The following RSF1 variants were observed in gnomAD, a reference collection of about 807,000 sequenced individuals.
RSF1 encodes remodeling and spacing factor 1.
Under a neutral mutation model 145.2 loss-of-function variants are expected in RSF1, and 13 were observed. The ratio of observed to expected loss-of-function variants is 0.09; its 90% CI spans 0.06 to 0.14. The LOEUF is 0.14. Among genes scored for constraint, RSF1 ranks in the 10% least tolerant of loss-of-function variants. The pLI, the probability that RSF1 is intolerant of heterozygous loss-of-function variation, is 1.00. For synonymous variants in RSF1, 577 were observed against 592.6 expected (o/e 0.97, Z 0.38); for missense variants, 1,517 against 1,718.2 (o/e 0.88, Z 2.07).
At chr11:77,693,386 A>T in intron 8 of RSF1, 121 bp downstream of exon 8, 1 of 557,150 alleles carries the variant, frequency 1.8e-6, no homozygotes, top group Non-Finnish European at 3.2e-6. Context: ...AAATCTAAAC[A>T]GAGGTAAATA....
intron 7 of RSF1, among the ~76,000 whole-genome samples, chr11:77,697,285 A>G (rs770703870): frequency 6.6e-6 from 1 of 151,792 alleles, no homozygotes; most frequent in Non-Finnish European, 1.5e-5. Flanking sequence ...ACACAATTCT[A>G]CTCAGGTAGA....
At chr11:77,799,575 A>C (rs1424672385) in intron 1 of RSF1, among the ~76,000 whole-genome samples, 1 of 152,038 alleles carries the variant, frequency 6.6e-6, no homozygotes, top group Non-Finnish European at 1.5e-5. Flanking sequence ...CATAATTACA[A>C]AATATTTCCA....
At chr11:77,737,194 T>A (rs187706747) in intron 4 of RSF1, among the ~76,000 whole-genome samples, 7 of 152,286 alleles carry the variant, frequency 4.6e-5, no homozygotes, top group African/African-American at 1.7e-4. Context: ...ACACCTGTAA[T>A]CCCAGCACTT....
At chr11:77,710,960 C>A (rs1325753440) in intron 5 of RSF1, among the ~76,000 whole-genome samples, 2 of 151,928 alleles carry the variant, frequency 1.3e-5, no homozygotes, top group Non-Finnish European at 2.9e-5. Flanking sequence ...GAACTGAAAT[C>A]AACCATTTTT....
At chr11:77,668,930 T>C (rs1056289391) in intron 15 of RSF1, among the ~76,000 whole-genome samples, 1 of 152,188 alleles carries the variant, frequency 6.6e-6, no homozygotes, top group Non-Finnish European at 1.5e-5. Context: ...TCATTTATTT[T>C]AGGCAACCAC....
At chr11:77,813,782 G>A (rs1026990663) in intron 1 of RSF1, 3 of 262,160 alleles carry the variant, frequency 1.1e-5, no homozygotes, top group Admixed American at 4.4e-5. Context: ...CTACCACCGC[G>A]ACTTCCTCAA....
the RSF1 span, among the ~76,000 whole-genome samples, chr11:77,827,208 C>T: frequency 6.6e-6 from 1 of 152,086 alleles, no homozygotes; most frequent in African/African-American, 2.4e-5. Context: ...GTCAGTTCTA[C>T]CAAAAGTTGA....
chr11:77,753,925 C>T (rs1229256648), intron 2 of RSF1, among the ~76,000 whole-genome samples: 1 of 152,152 alleles, frequency 6.6e-6, no homozygotes, highest in African/African-American at 2.4e-5. Flanking sequence ...TTCTCTTGCA[C>T]CCCCAACCAA....
intron 1 of RSF1, among the ~76,000 whole-genome samples, chr11:77,817,462 A>G (rs1948792429): frequency 6.6e-6 from 1 of 152,206 alleles, no homozygotes; most frequent in African/African-American, 2.4e-5. Context: ...ACCATGAAGT[A>G]TGTCAAGGCA....
At chr11:77,767,215 C>T (rs1948235596) in intron 1 of RSF1, among the ~76,000 whole-genome samples, 1 of 152,184 alleles carries the variant, frequency 6.6e-6, no homozygotes, top group Admixed American at 6.5e-5. Context: ...ACCAAGGTCA[C>T]TTTCTTCAAT....
chr11:77,705,830 G>A (rs770988765), intron 5 of RSF1, among the ~76,000 whole-genome samples: 28 of 151,426 alleles, frequency 1.8e-4, no homozygotes, highest in Non-Finnish European at 3.7e-4. Context: ...TCTTGTTGGT[G>A]CGACAAAGCA....
chr11:77,802,770 C>T (rs1333808995), intron 1 of RSF1, among the ~76,000 whole-genome samples: 2 of 151,956 alleles, frequency 1.3e-5, no homozygotes. Flanking sequence ...AGGCTGGTCT[C>T]GAACTCCTGA....
In RSF1 at chr11:77,692,434, C is replaced by T. The variant is rs1161900113; in HGVS notation, c.2820+1073G>A. Among the ~76,000 whole-genome samples the T allele has an allele frequency of 4.4e-5, 5 of 112,748 alleles. 1 individual carries two copies. The highest frequency in any genetic ancestry group is 1.7e-4 in the African/African-American group (4 of 24,120). The allele number at this position is 112,748 out of a possible 152,430, so 74.0% of individuals were successfully genotyped here. ...TAATTTTTTGTATTTTTAGTAGAGACGGGGTTTCACCGTTTTAGCCAGGAT... is the reference window on the plus strand; with the variant it reads ...TAATTTTTTGTATTTTTAGTAGAGATGGGGTTTCACCGTTTTAGCCAGGAT... On this transcript the variant is annotated intron_variant, in intron 8 of 15. Transcript: ENST00000308488.
At chr11:77,808,527 CTT>C (rs745630976) in intron 1 of RSF1, among the ~76,000 whole-genome samples, 218 of 59,962 alleles carry the variant, frequency 3.6e-3, no homozygotes, top group Non-Finnish European at 4.3e-3. Context: ...AATATTATAC[CTT>C]TTTTTTTTTT....
chr11:77,813,849 A>G, intron 1 of RSF1: 1 of 203,094 alleles, frequency 4.9e-6, no homozygotes, highest in South Asian at 9.1e-5. Flanking sequence ...ACACACACAC[A>G]CACACACAGA....
the RSF1 span, among the ~76,000 whole-genome samples, chr11:77,831,019 C>T: frequency 2.2e-3 from 323 of 144,978 alleles, no homozygotes; most frequent in African/African-American, 7.0e-3. Context: ...AATAGCCAGA[C>T]ATGGTGGCAT....
chr11:77,839,628 A>G, the RSF1 span, among the ~76,000 whole-genome samples: 1 of 152,236 alleles, frequency 6.6e-6, no homozygotes, highest in African/African-American at 2.4e-5. Context: ...ACCATGGTAT[A>G]CTATGCAACC....
At chr11:77,846,544 TAAC>T in the RSF1 span, among the ~76,000 whole-genome samples, 4 of 152,256 alleles carry the variant, frequency 2.6e-5, no homozygotes, top group South Asian at 8.3e-4. Context: ...CCGTCTCTAC[TAAC>T]AATACAAAAT....
chr11:77,818,973 T>C lies in RSF1; in HGVS notation c.187+1555A>G, dbSNP rs922875414. On this transcript the variant is annotated intron_variant, in intron 1 of 15. Coordinates refer to ENST00000308488, the MANE Select transcript of RSF1 (RefSeq NM_016578.4). ...CAGTTTGTTACAGGTAGAGGGAATGTGGACAGGTAAGAACAGATTACTAGG... is the reference window on the plus strand; with the variant it reads ...CAGTTTGTTACAGGTAGAGGGAATGCGGACAGGTAAGAACAGATTACTAGG... 2.6e-5 allele frequency among the ~76,000 whole-genome samples: 4 copies of C among 152,348 alleles called. No homozygotes were observed. The East Asian group carries it at 5.8e-4, about 22-fold the overall frequency.
Sources: allele counts gnomAD v4.1 joint callset (sites outside exome capture counted in the v4.1 genomes callset), GRCh38; gene constraint gnomAD v4.1.1; transcripts MANE v1.5; gene names NCBI Gene and HGNC (gene_info 2026-07-23, HGNC 2026-07-21).